RNASEH2C: variants seen among roughly 807,000 people sequenced by gnomAD.
RNASEH2C encodes the protein RNase H1 small subunit.
A neutral mutation model predicts 16.3 loss-of-function variants in RNASEH2C; 20 were observed. The observed-to-expected ratio is 1.23, with a 90% CI of 0.86 to 1.79. The LOEUF is 1.79. Ranked by LOEUF, RNASEH2C falls within the 40% of genes most tolerant of loss-of-function variation. The pLI is 0.00. For missense variants in RNASEH2C, 296 were observed against 235.9 expected, an observed-to-expected ratio of 1.25 and a Z score of -1.67; for synonymous variants, 106 against 98.9, an observed-to-expected ratio of 1.07 and a Z score of -0.43.
At position 65,720,472 on chromosome 11, in the gene RNASEH2C, G is replaced by C. The variant is rs748010399; in HGVS notation, c.173-55C>G. ...CAGGACCCACGCTGGGTCGAGCCCG[G>C]AGCTGCCCTCCCGCCACCTCCGGAC... On this transcript the variant is annotated intron_variant, in intron 1 of 3. Coordinates refer to ENST00000308418, the MANE Select transcript of RNASEH2C (RefSeq NM_032193.4). The C allele has an allele frequency of 1.7e-5, 27 of 1,601,948 alleles. No individual in the cohort carries two copies. In the South Asian group the frequency reaches 3.0e-4, roughly 18 times the overall value.
rs555699888 is a variant in RNASEH2C, at chr11:65,719,104, C to A, written c.*679G>T. On this transcript the variant is annotated 3_prime_UTR_variant, in exon 4 of 4. Coordinates refer to ENST00000308418, the MANE Select transcript of RNASEH2C (RefSeq NM_032193.4). Reference sequence around the variant, plus strand: ...CGTGGATGGCCATGAGCGGGCCATGCTCAAGCGGCTCCTGCGGATCGACTC... The same window carrying A: ...CGTGGATGGCCATGAGCGGGCCATGATCAAGCGGCTCCTGCGGATCGACTC... The A allele has an allele frequency of 8.7e-6, 14 of 1,614,218 alleles. No homozygotes were observed. The East Asian group carries it at 2.7e-4, about 31-fold the overall frequency.
chr11:65,720,415 G>C lies in RNASEH2C; in HGVS notation c.175C>G (p.Leu59Val), dbSNP rs764887792. 6.2e-7 allele frequency: 1 copy of C among 1,613,782 alleles called. No individual in the cohort carries two copies. Among genetic ancestry groups the C allele is most frequent in the African/African-American group, 1.3e-5 (1 of 75,080 alleles). ...CAGCGGCCCCGAAACGACACTTCGAGTCCTGGAGCGGGAGGCGCAAAGGGC... is the reference window on the plus strand; with the variant it reads ...CAGCGGCCCCGAAACGACACTTCGACTCCTGGAGCGGGAGGCGCAAAGGGC... ...TPAIRQGPEG[L>V]EVSFRGRCLR... Residue 59 changes from leucine (L) to valine (V), a missense_variant and splice_region_variant, in exon 2 of 4, where the codon CTC becomes GTC. Coordinates refer to ENST00000308418, the MANE Select transcript of RNASEH2C (RefSeq NM_032193.4).
Position 65,719,696 on chromosome 11 carries a change from C to T in RNASEH2C, c.*87G>A, listed in dbSNP as rs1412096570. On this transcript the variant is annotated 3_prime_UTR_variant, in exon 4 of 4. Transcript: ENST00000308418. ...CCAGACTCACAGGTGCTGTGAAGAG[C>T]TCCTTTATTGGGGTGATGGAATCGG... The T allele has an allele frequency of 3.5e-6, 5 of 1,430,870 alleles. No homozygotes were observed. Among genetic ancestry groups the T allele is most frequent in the Non-Finnish European group, 3.0e-6 (3 of 1,014,884 alleles). 88.6% of individuals were successfully genotyped at this position (1,430,870 alleles called of 1,614,324 possible). A position where few individuals can be genotyped will look rare whatever the true frequency, so the allele number is the denominator to read the frequency against.
In RNASEH2C at chr11:65,720,289, C is replaced by A. The variant is rs753193179; in HGVS notation, c.301G>T (p.Asp101Tyr). The A allele has an allele frequency of 1.2e-6, 2 of 1,614,140 alleles. No individual in the cohort carries two copies. Among genetic ancestry groups the A allele is most frequent in the South Asian group, 1.1e-5 (1 of 91,092 alleles). ...TCCTCTTGGTCGTCAGTCCCGGAAT[C>A]CCGCAAGGGGTCTGGCTTCCCCATC... ...VSMGKPDPLR[D>Y]SGTDDQEEEP... Residue 101 changes from aspartate (D) to tyrosine (Y), a missense_variant, in exon 2 of 4, where the codon GAT (aspartate) becomes TAT (tyrosine). Physicochemically the swap from Asp to Tyr is radical, Grantham distance 160. Transcript: ENST00000308418.
At position 65,719,493 on chromosome 11, in the gene RNASEH2C, T is replaced by A; in HGVS notation, c.*290A>T. The A allele has an allele frequency of 1.6e-6, 1 of 610,002 alleles. No homozygotes were observed. The highest frequency in any genetic ancestry group is 2.9e-6 in the Non-Finnish European group (1 of 346,410). 37.8% of individuals were successfully genotyped at this position (610,002 alleles called of 1,614,324 possible). A position where few individuals can be genotyped will look rare whatever the true frequency, so the allele number is the denominator to read the frequency against. The stretch of plus-strand genomic sequence containing the variant: ...GCTCTGTACAGAGGGCTGGTGATTG[T>A]AAAAATTTCTTTTGTAAAGTAGAAG... On this transcript the variant is annotated 3_prime_UTR_variant, in exon 4 of 4. Coordinates refer to ENST00000308418, the MANE Select transcript of RNASEH2C (RefSeq NM_032193.4).
In RNASEH2C at chr11:65,719,683, G is replaced by T; in HGVS notation, c.*100C>A. 1 of 1,287,850 alleles carries T rather than the reference G, an allele frequency of 7.8e-7. No individual in the cohort carries two copies. Among genetic ancestry groups the T allele is most frequent in the Non-Finnish European group, 1.1e-6 (1 of 884,822 alleles). 79.8% of individuals were successfully genotyped at this position (1,287,850 alleles called of 1,614,324 possible). On this transcript the variant is annotated 3_prime_UTR_variant, in exon 4 of 4. Transcript: ENST00000308418. ...GGCTCTAAGGCGCCCAGACTCACAG[G>T]TGCTGTGAAGAGCTCCTTTATTGGG...
chr11:65,720,330 T>C lies in RNASEH2C; in HGVS notation c.260A>G (p.Glu87Gly), dbSNP rs939276490. ...PGLVGYVMVT[E>G]EKKVSMGKPD... ...CTTCCCCATCGACACCTTCTTCTCT[T>C]CTGTCACCATCACGTATCCCACGAG... The change falls in exon 2 of 4, where the codon GAA (glutamate) becomes GGA (glycine). Residue 87 changes from glutamate (E) to glycine (G), a missense_variant. By Grantham distance (98) the Glu-to-Gly change is moderately conservative. Coordinates refer to ENST00000308418, the MANE Select transcript of RNASEH2C (RefSeq NM_032193.4). The C allele has an allele frequency of 1.9e-6, 3 of 1,614,216 alleles. No individual in the cohort carries two copies. Among genetic ancestry groups the C allele is most frequent in the Non-Finnish European group, 2.5e-6 (3 of 1,180,044 alleles).
rs201326733 is a variant in RNASEH2C at position 65,719,036 on chromosome 11, C to T, written c.*747G>A. ...GGCTGACCACCTGCTGAACCCATCT[C>T]CTCTGCCCAGGGCCAGTACATCCTC... On this transcript the variant is annotated 3_prime_UTR_variant, in exon 4 of 4. Transcript: ENST00000308418. The T allele has an allele frequency of 9.9e-5, 159 of 1,613,982 alleles. No homozygotes were observed. The highest frequency in any genetic ancestry group is 2.7e-5 in the African/African-American group (2 of 74,920).
chr11:65,719,720 G>A lies in RNASEH2C; in HGVS notation c.*63C>T, dbSNP rs759066849. 7 of 1,567,746 alleles carry A rather than the reference G, an allele frequency of 4.5e-6. No individual in the cohort carries two copies. Among genetic ancestry groups the A allele is most frequent in the African/African-American group, 2.7e-5 (2 of 73,900 alleles). On this transcript the variant is annotated 3_prime_UTR_variant, in exon 4 of 4. Transcript: ENST00000308418. ...GCTCCTTTATTGGGGTGATGGAATC[G>A]GTTCCAAAGAGCTGGTTTACTGCTG...
rs554234154 is a variant in RNASEH2C, at chr11:65,720,396, C to A, written c.194G>T (p.Gly65Val). The A allele has an allele frequency of 1.2e-6, 2 of 1,614,106 alleles. No homozygotes were observed. The highest frequency in any genetic ancestry group is 1.6e-4 in the Middle Eastern group (1 of 6,062). Residue 65 changes from glycine (G) to valine (V), a missense_variant, in exon 2 of 4, where the codon GGC becomes GTC. Physicochemically the swap from Gly to Val is moderately radical, Grantham distance 109. Coordinates refer to ENST00000308418, the MANE Select transcript of RNASEH2C (RefSeq NM_032193.4). ...GPEGLEVSFRGRCLRGEEVAV... is the reference protein window; with the variant it reads ...GPEGLEVSFRVRCLRGEEVAV... ...CACCTCCTCTCCCCGTAGACAGCGG[C>A]CCCGAAACGACACTTCGAGTCCTGG...
At chr11:65,719,891 G>A in intron 3 of RNASEH2C, 82 bp from the exon 4 acceptor site, 3 of 1,604,860 alleles carry the variant, frequency 1.9e-6, no homozygotes, top group Non-Finnish European at 2.6e-6. Flanking sequence ...GGACCCAGCT[G>A]TTCAGAATAA....
Position 65,718,469 on chromosome 11 carries a change from A to T in RNASEH2C, c.*1314T>A. The T allele has an allele frequency of 4.1e-6, 4 of 973,312 alleles. No individual in the cohort carries two copies. Among genetic ancestry groups the T allele is most frequent in the South Asian group, 1.5e-5 (1 of 64,902 alleles). The allele number at this position is 973,312 out of a possible 1,614,324, so 60.3% of individuals were successfully genotyped here. On this transcript the variant is annotated 3_prime_UTR_variant, in exon 4 of 4. Coordinates refer to ENST00000308418, the MANE Select transcript of RNASEH2C (RefSeq NM_032193.4). ...GGCACAGAGAAGTGGAGGGCATAGA[A>T]CTGCCAAGTGGCAGGGCCATGATAG... is the stretch of plus-strand genomic sequence containing the variant.
Position 65,719,106 on chromosome 11 carries a change from C to T in RNASEH2C, c.*677G>A, listed in dbSNP as rs754675864. 2 of 1,614,102 alleles carry T rather than the reference C, an allele frequency of 1.2e-6. No homozygotes were observed. The highest frequency in any genetic ancestry group is 1.3e-5 in the African/African-American group (1 of 74,932). Reference sequence around the variant, plus strand: ...TGGATGGCCATGAGCGGGCCATGCTCAAGCGGCTCCTGCGGATCGACTCCA... The same window carrying T: ...TGGATGGCCATGAGCGGGCCATGCTTAAGCGGCTCCTGCGGATCGACTCCA... On this transcript the variant is annotated 3_prime_UTR_variant, in exon 4 of 4. Coordinates refer to ENST00000308418, the MANE Select transcript of RNASEH2C (RefSeq NM_032193.4).
Position 65,720,137 on chromosome 11 carries a change from A to G in RNASEH2C, c.376T>C (p.Phe126Leu). ...AGACCCCACAGGGTGAAGCGGCTGA[A>G]GTTGGCAGTGGCTCCAATGAAGCGG... ...FDRFIGATANFSRFTLWGLET... is the reference protein window; with the variant it reads ...FDRFIGATANLSRFTLWGLET... The change falls in exon 3 of 4, where the codon TTC becomes CTC. Residue 126 changes from phenylalanine (F) to leucine (L), a missense_variant. Coordinates refer to ENST00000308418, the MANE Select transcript of RNASEH2C (RefSeq NM_032193.4). The G allele has an allele frequency of 6.2e-7, 1 of 1,614,194 alleles. No individual in the cohort carries two copies. Among genetic ancestry groups the G allele is most frequent in the South Asian group, 1.1e-5 (1 of 91,084 alleles).
chr11:65,719,771 A>G lies in RNASEH2C; in HGVS notation c.*12T>C. On this transcript the variant is annotated 3_prime_UTR_variant, in exon 4 of 4. Coordinates refer to ENST00000308418, the MANE Select transcript of RNASEH2C (RefSeq NM_032193.4). ...TGAAGGGATCGCAGCTTTGAATTTCAAGCTCTGGTTCTCAGTCCTCGGGCA... is the reference window on the plus strand; with the variant it reads ...TGAAGGGATCGCAGCTTTGAATTTCGAGCTCTGGTTCTCAGTCCTCGGGCA... 6.2e-7 allele frequency: 1 copy of G among 1,614,036 alleles called. No individual in the cohort carries two copies.
In RNASEH2C at chr11:65,718,965, A is replaced by G; in HGVS notation, c.*818T>C. On this transcript the variant is annotated 3_prime_UTR_variant, in exon 4 of 4. Coordinates refer to ENST00000308418, the MANE Select transcript of RNASEH2C (RefSeq NM_032193.4). ...ATCAACTACTACAAGGTAGGGAGGC[A>G]GGCAGGGGAGACAGGTGTGTGGGAT... is the stretch of plus-strand genomic sequence containing the variant. 6.2e-7 allele frequency: 1 copy of G among 1,614,164 alleles called. No individual in the cohort carries two copies. Among genetic ancestry groups the G allele is most frequent in the East Asian group, 2.2e-5 (1 of 44,888 alleles).
At position 65,718,475 on chromosome 11, in the gene RNASEH2C, A is replaced by G. The variant is rs993338670; in HGVS notation, c.*1308T>C. ...GAGAAGTGGAGGGCATAGAACTGCCAAGTGGCAGGGCCATGATAGGAACTA... is the reference window on the plus strand; with the variant it reads ...GAGAAGTGGAGGGCATAGAACTGCCGAGTGGCAGGGCCATGATAGGAACTA... On this transcript the variant is annotated 3_prime_UTR_variant, in exon 4 of 4. Coordinates refer to ENST00000308418, the MANE Select transcript of RNASEH2C (RefSeq NM_032193.4). 6 of 1,055,240 alleles carry G rather than the reference A, an allele frequency of 5.7e-6. No individual in the cohort carries two copies. In the African/African-American group the frequency reaches 7.9e-5, roughly 14 times the overall value. 65.4% of individuals were successfully genotyped at this position (1,055,240 alleles called of 1,614,324 possible). A position where few individuals can be genotyped will look rare whatever the true frequency, so the allele number is the denominator to read the frequency against.
rs1857325696 is a variant in RNASEH2C at position 65,719,520 on chromosome 11, T to TG, written c.*262dup. 3.3e-6 allele frequency: 2 copies of TG among 612,820 alleles called. No homozygotes were observed. Among genetic ancestry groups the TG allele is most frequent in the Non-Finnish European group, 5.7e-6 (2 of 348,264 alleles). The allele number at this position is 612,820 out of a possible 1,614,324, so 38.0% of individuals were successfully genotyped here. ...AAAATTTCTTTTGTAAAGTAGAAGT[T>TG]GGGGGTGGGGTGGGTGCTGGCTGCA... is the stretch of plus-strand genomic sequence containing the variant. On this transcript the variant is annotated 3_prime_UTR_variant, in exon 4 of 4. Coordinates refer to ENST00000308418, the MANE Select transcript of RNASEH2C (RefSeq NM_032193.4).
chr11:65,718,470 C>A lies in RNASEH2C; in HGVS notation c.*1313G>T. The A allele has an allele frequency of 2.0e-6, 2 of 991,124 alleles. No homozygotes were observed. The highest frequency in any genetic ancestry group is 1.6e-5 in the African/African-American group (1 of 62,002). 61.4% of individuals were successfully genotyped at this position (991,124 alleles called of 1,614,324 possible). A position where few individuals can be genotyped will look rare whatever the true frequency, so the allele number is the denominator to read the frequency against. On this transcript the variant is annotated 3_prime_UTR_variant, in exon 4 of 4. Coordinates refer to ENST00000308418, the MANE Select transcript of RNASEH2C (RefSeq NM_032193.4). ...GCACAGAGAAGTGGAGGGCATAGAA[C>A]TGCCAAGTGGCAGGGCCATGATAGG...
Sources: allele counts gnomAD v4.1 joint callset, GRCh38; gene constraint gnomAD v4.1.1; transcripts MANE v1.5; gene names NCBI Gene and HGNC (gene_info 2026-07-23, HGNC 2026-07-21).